Variants in RAPGEF1 observed in about 807,000 individuals in gnomAD.
The protein encoded by RAPGEF1 is CRK SH3-binding GNRP.
A neutral mutation model predicts 143.3 loss-of-function variants in RAPGEF1; 33 were observed. That is an observed-to-expected ratio of 0.23 (90% CI 0.17 to 0.31). RAPGEF1 has a LOEUF of 0.31. RAPGEF1 is among the 10% of genes least tolerant of loss of function. The pLI is 1.00. For missense variants in RAPGEF1, 1,199 were observed against 1,645.4 expected, an observed-to-expected ratio of 0.73 and a Z score of 4.69; for synonymous variants, 629 against 676.5, an observed-to-expected ratio of 0.93 and a Z score of 1.09.
chr9:131,604,662 T>C (rs17148096), intron 13 of RAPGEF1, among the ~76,000 whole-genome samples: 2,964 of 152,328 alleles, frequency 0.019, 98 homozygotes, highest in African/African-American at 0.066. Context: ...AATCCATTTG[T>C]GGAAAATCAG....
intron 10 of RAPGEF1, among the ~76,000 whole-genome samples, chr9:131,625,105 G>A (rs1034420345): frequency 1.3e-5 from 2 of 152,252 alleles, no homozygotes; most frequent in African/African-American, 4.8e-5. Flanking sequence ...TCTGCTGGAT[G>A]TGTCAACTGA....
chr9:131,670,123 C>A (rs912561815), intron 1 of RAPGEF1, among the ~76,000 whole-genome samples: 6 of 152,280 alleles, frequency 3.9e-5, no homozygotes, highest in Non-Finnish European at 8.8e-5. Context: ...AAGTGACAGA[C>A]CCTGGATTTG....
intron 12 of RAPGEF1, among the ~76,000 whole-genome samples, chr9:131,615,229 T>C (rs184704369): frequency 3.6e-4 from 55 of 152,324 alleles, no homozygotes; most frequent in East Asian, 1.5e-3. Context: ...CCCGCCACCA[T>C]GCCTGGCTAA....
At chr9:131,591,516 C>T (rs963869599) in intron 18 of RAPGEF1, among the ~76,000 whole-genome samples, 2 of 152,194 alleles carry the variant, frequency 1.3e-5, no homozygotes, top group African/African-American at 2.4e-5. Flanking sequence ...GGGTCCTCCT[C>T]AGCCACTACT....
chr9:131,647,116 A>G (rs551833981), intron 3 of RAPGEF1, among the ~76,000 whole-genome samples: 1 of 152,198 alleles, frequency 6.6e-6, no homozygotes, highest in African/African-American at 2.4e-5. Context: ...CAACTTCAAC[A>G]CTCTGCAGCT....
chr9:131,650,282 T>G lies in RAPGEF1; in HGVS notation c.202-40A>C, dbSNP rs1349145329. The G allele has an allele frequency of 2.2e-5, 34 of 1,518,030 alleles. No individual in the cohort carries two copies. Among genetic ancestry groups the G allele is most frequent in the Non-Finnish European group, 3.1e-5 (34 of 1,101,260 alleles). 94.0% of individuals were successfully genotyped at this position (1,518,030 alleles called of 1,614,324 possible). ...ACCTGGATTCCTACAGAGTTTGAAA[T>G]GGCTGTTTGAGGCCGAAGGGAGGGG... On this transcript the variant is annotated intron_variant, in intron 2 of 26. Coordinates refer to ENST00000683357, the MANE Select transcript of RAPGEF1 (RefSeq NM_001377935.1). This position sits in a 1 kb window ranked among gnomAD's most constrained non-coding sequence, Gnocchi z 4.7.
chr9:131,690,022 A>G (rs1833669588), intron 1 of RAPGEF1, among the ~76,000 whole-genome samples: 1 of 152,218 alleles, frequency 6.6e-6, no homozygotes, highest in Non-Finnish European at 1.5e-5. Context: ...GTCTGTTAAT[A>G]AACATGAAAA....
rs907618588 is a variant in RAPGEF1 at position 131,729,397 on chromosome 9, G to A, written c.61+10373C>T. 2.4e-4 allele frequency among the ~76,000 whole-genome samples: 36 copies of A among 152,220 alleles called. 1 individual carries two copies. The highest frequency in any genetic ancestry group is 7.7e-4 in the East Asian group (4 of 5,202). ...TAACTCGTAAGGGCCACTTCCTACCGTTGTGCCATCTGTGAAAGGTTTCTC... is the reference window on the plus strand; with the variant it reads ...TAACTCGTAAGGGCCACTTCCTACCATTGTGCCATCTGTGAAAGGTTTCTC... On this transcript the variant is annotated intron_variant, in intron 1 of 26. Coordinates refer to ENST00000683357, the MANE Select transcript of RAPGEF1 (RefSeq NM_001377935.1).
At chr9:131,707,342 G>A (rs763627370) in intron 1 of RAPGEF1, among the ~76,000 whole-genome samples, 5 of 152,132 alleles carry the variant, frequency 3.3e-5, no homozygotes, top group Non-Finnish European at 5.9e-5. Context: ...CTCATATATC[G>A]ATGACCTGGA....
chr9:131,642,075 G>A lies in RAPGEF1; in HGVS notation c.494+1164C>T, dbSNP rs114800813. Among the ~76,000 whole-genome samples the A allele has an allele frequency of 6.0e-3, 915 of 152,276 alleles. 6 individuals are homozygous for A. The highest frequency in any genetic ancestry group is 0.021 in the African/African-American group (859 of 41,544). ...GTACCATGGAAGAAAAACAAAACATGTGCCAGCCTCTTAAGAAAAAGCTCC... is the reference window on the plus strand; with the variant it reads ...GTACCATGGAAGAAAAACAAAACATATGCCAGCCTCTTAAGAAAAAGCTCC... On this transcript the variant is annotated intron_variant, in intron 4 of 26. Transcript: ENST00000683357.
intron 6 of RAPGEF1, among the ~76,000 whole-genome samples, chr9:131,629,473 T>C (rs1457002984): frequency 4.6e-5 from 7 of 152,054 alleles, no homozygotes; most frequent in Non-Finnish European, 1.5e-5. Flanking sequence ...AATTTCCTCA[T>C]CTGAAAATGA....
At chr9:131,653,099 T>C (rs924382097) in intron 1 of RAPGEF1, among the ~76,000 whole-genome samples, 2 of 152,220 alleles carry the variant, frequency 1.3e-5, no homozygotes, top group Non-Finnish European at 2.9e-5. Context: ...AAAAATCATA[T>C]GCAGCCATCC....
chr9:131,579,154 C>T lies in RAPGEF1; in HGVS notation c.*343G>A. 8.5e-6 allele frequency: 2 copies of T among 235,730 alleles called. No individual in the cohort carries two copies. Among genetic ancestry groups the T allele is most frequent in the Non-Finnish European group, 1.7e-5 (2 of 118,366 alleles). 14.6% of individuals were successfully genotyped at this position (235,730 alleles called of 1,614,324 possible). A position where few individuals can be genotyped will look rare whatever the true frequency, so the allele number is the denominator to read the frequency against. On this transcript the variant is annotated 3_prime_UTR_variant, in exon 27 of 27. Transcript: ENST00000683357. ...CACTTCCTTGGTCTGCTGATGAGGTCTCTGCTGCTCTCTCCCTGGAGGGGA... is the reference window on the plus strand; with the variant it reads ...CACTTCCTTGGTCTGCTGATGAGGTTTCTGCTGCTCTCTCCCTGGAGGGGA...
At chr9:131,721,746 C>T (rs1244718400) in intron 1 of RAPGEF1, among the ~76,000 whole-genome samples, 4 of 151,996 alleles carry the variant, frequency 2.6e-5, no homozygotes, top group African/African-American at 9.7e-5. Context: ...AACTGAAACA[C>T]GTAGACTTTT....
chr9:131,687,798 G>A (rs11793533), intron 1 of RAPGEF1, among the ~76,000 whole-genome samples: 33,042 of 152,008 alleles, frequency 0.22, 4,129 homozygotes, highest in Non-Finnish European at 0.28. Context: ...CCACCCCCAT[G>A]CCTTAAAAAA....
At chr9:131,626,510 G>A (rs1049953812) in intron 9 of RAPGEF1, 88 bp from the exon 10 acceptor site, 16 of 1,352,732 alleles carry the variant, frequency 1.2e-5, no homozygotes, top group South Asian at 1.0e-4. Flanking sequence ...TCGCCGGCTC[G>A]CTCATGGGTG....
intron 14 of RAPGEF1, among the ~76,000 whole-genome samples, chr9:131,603,682 C>T (rs893223678): frequency 1.3e-5 from 2 of 152,168 alleles, no homozygotes; most frequent in Non-Finnish European, 2.9e-5. Flanking sequence ...GGGGCCCGTG[C>T]CACGCTGGTC....
At chr9:131,693,532 A>G (rs943720489) in intron 1 of RAPGEF1, among the ~76,000 whole-genome samples, 1 of 152,102 alleles carries the variant, frequency 6.6e-6, no homozygotes, top group Non-Finnish European at 1.5e-5. Context: ...TAACCTTTAT[A>G]AGAAAAGTAA....
intron 15 of RAPGEF1, among the ~76,000 whole-genome samples, chr9:131,600,434 C>T (rs1956078514): frequency 6.6e-6 from 1 of 152,198 alleles, no homozygotes; most frequent in Admixed American, 6.5e-5. Flanking sequence ...CCTGGCTTCA[C>T]ACCTGGGGAA....
Sources: allele counts gnomAD v4.1 joint callset (sites outside exome capture counted in the v4.1 genomes callset), GRCh38; gene constraint gnomAD v4.1.1; non-coding constraint Gnocchi (gnomAD v3.1); transcripts MANE v1.5; gene names NCBI Gene and HGNC (gene_info 2026-07-23, HGNC 2026-07-21).